The following UPF2 variants were observed in gnomAD, a reference collection of about 807,000 sequenced individuals.
UPF2 encodes regulator of nonsense transcripts 2.
A neutral mutation model predicts 141.4 loss-of-function variants in UPF2; 17 were observed. The ratio of observed to expected loss-of-function variants is 0.12; its 90% confidence interval spans 0.08 to 0.18. The LOEUF is 0.18. Among genes scored for constraint, UPF2 ranks in the 10% least tolerant of loss-of-function variants. UPF2 has a pLI of 1.00. For synonymous variants in UPF2, 540 were observed against 498.0 expected (o/e 1.08, Z -1.12); for missense variants, 1,152 against 1,515.9 (o/e 0.76, Z 3.99).
At chr10:12,004,428 AC>A in intron 5 of UPF2, 101 bp downstream of exon 5, 1 of 903,110 alleles carries the variant, frequency 1.1e-6, no homozygotes, top group East Asian at 2.7e-5. Flanking sequence ...TGTTCATATT[AC>A]AAAACTAGTA....
intron 8 of UPF2, among the ~76,000 whole-genome samples, chr10:11,988,587 G>A (rs1833731992): frequency 6.6e-6 from 1 of 152,222 alleles, no homozygotes; most frequent in African/African-American, 2.4e-5. Context: ...TTACAGGAGG[G>A]AGGAAGGAGC....
At chr10:11,976,290 C>T (rs548031228) in intron 9 of UPF2, among the ~76,000 whole-genome samples, 25 of 152,112 alleles carry the variant, frequency 1.6e-4, no homozygotes, top group Non-Finnish European at 3.2e-4. Context: ...GGGAAAAGCT[C>T]GTTAAAAATC....
At chr10:12,000,597 T>C (rs118076488) in intron 6 of UPF2, among the ~76,000 whole-genome samples, 9,937 of 151,930 alleles carry the variant, frequency 0.065, 333 homozygotes, top group Middle Eastern at 0.092. Context: ...CTGGGTAACA[T>C]AACAAGACCC....
rs149616292 is a variant in UPF2, at chr10:11,959,836, T to C, written c.2185-480A>G. The stretch of plus-strand genomic sequence containing the variant: ...ATCAACAGGCATATCAAAGAGCATG[T>C]AAGCATACTAACTGTTATACTACTT... On this transcript the variant is annotated intron_variant, in intron 11 of 21. Transcript: ENST00000357604. This position sits in a 1 kb window ranked among gnomAD's most constrained non-coding sequence, Gnocchi z 5.9. Among the ~76,000 whole-genome samples the C allele has an allele frequency of 2.3e-3, 353 of 152,312 alleles. 3 individuals are homozygous for C. Among genetic ancestry groups the C allele is most frequent in the African/African-American group, 8.0e-3 (332 of 41,562 alleles).
intron 11 of UPF2, 109 bp downstream of exon 11, chr10:11,963,900 T>C: frequency 1.4e-6 from 1 of 714,434 alleles, no homozygotes; most frequent in Non-Finnish European, 2.3e-6. Flanking sequence ...TAGAAATGTT[T>C]GTATTCATAT....
At chr10:12,013,987 A>G (rs74875675) in intron 4 of UPF2, 37 bp downstream of exon 4, 105,105 of 1,452,814 alleles carry the variant, frequency 0.072, 4,279 homozygotes, top group Non-Finnish European at 0.083. Context: ...CAGTGCTTAC[A>G]GAAAACACAA....
At chr10:11,941,781 T>C (rs1832939604) in intron 18 of UPF2, among the ~76,000 whole-genome samples, 1 of 152,166 alleles carries the variant, frequency 6.6e-6, no homozygotes, top group Non-Finnish European at 1.5e-5. Context: ...CAAGTACATA[T>C]AGGGCTGAAG....
intron 4 of UPF2, among the ~76,000 whole-genome samples, chr10:12,005,878 ATTAT>A (rs1369480177): frequency 3.7e-5 from 5 of 135,426 alleles, no homozygotes; most frequent in African/African-American, 1.4e-4. Flanking sequence ...GCGTTTATTT[ATTAT>A]TTATTTTTTT....
intron 5 of UPF2, 68 bp from the exon 6 acceptor site, chr10:12,001,893 T>A (rs1833958681): frequency 4.3e-6 from 6 of 1,405,430 alleles, no homozygotes; most frequent in Non-Finnish European, 4.7e-6. Flanking sequence ...CAAAAGTAGA[T>A]TAAGACTCAC....
Position 11,959,283 on chromosome 10 carries a change from T to C in UPF2, c.2258A>G (p.Tyr753Cys). 6.2e-7 allele frequency: 1 copy of C among 1,613,146 alleles called. No homozygotes were observed. The highest frequency in any genetic ancestry group is 2.2e-5 in the East Asian group (1 of 44,866). ...TTCAGCTGGAGGTGGGTTGCAGTAG[T>C]AATATGCATTCTCTACCATTGTGAC... ...RYVTMVENAY[Y>C]YCNPPPAEKT... Residue 753 changes from tyrosine (Y) to cysteine (C), a missense_variant, in exon 12 of 22, where the codon TAC (tyrosine) becomes TGC (cysteine). Tyr to Cys is a radical substitution (Grantham distance 194). Coordinates refer to ENST00000357604, the MANE Select transcript of UPF2 (RefSeq NM_015542.4). This position sits in a 1 kb window ranked among gnomAD's most constrained non-coding sequence, Gnocchi z 5.9.
chr10:12,036,938 T>C (rs960353171), intron 1 of UPF2, among the ~76,000 whole-genome samples: 5 of 152,204 alleles, frequency 3.3e-5, no homozygotes, highest in Non-Finnish European at 7.4e-5. Context: ...GGCAGGAGAA[T>C]GGCTTGAACC....
chr10:11,938,868 T>TTTTTTTTTTTTTTTTTTTTTG (rs1832897282), intron 18 of UPF2, among the ~76,000 whole-genome samples: 17 of 90,852 alleles, frequency 1.9e-4, no homozygotes, highest in Non-Finnish European at 2.9e-4. Flanking sequence ...TTTTTTTTTT[T>TTTTTTTTTTTTTTTTTTTTTG]TTTTTTTTTT....
At chr10:12,010,311 G>A (rs746863642) in intron 4 of UPF2, among the ~76,000 whole-genome samples, 11 of 152,038 alleles carry the variant, frequency 7.2e-5, no homozygotes, top group African/African-American at 2.7e-4. Context: ...AAACCAACTC[G>A]GAAATCACAC....
At chr10:11,999,848 T>C (rs913126142) in intron 7 of UPF2, 58 bp downstream of exon 7, 12 of 1,352,008 alleles carry the variant, frequency 8.9e-6, no homozygotes, top group Non-Finnish European at 1.3e-5. Flanking sequence ...ACATTCCTTA[T>C]CAGAGGACTC....
At chr10:12,030,589 T>C (rs1834501764) in intron 2 of UPF2, among the ~76,000 whole-genome samples, 1 of 151,478 alleles carries the variant, frequency 6.6e-6, no homozygotes, top group Non-Finnish European at 1.5e-5. Flanking sequence ...AAGAATGCAT[T>C]AAAAATGTTT....
At chr10:12,010,372 T>C (rs1361178519) in intron 4 of UPF2, among the ~76,000 whole-genome samples, 1 of 152,196 alleles carries the variant, frequency 6.6e-6, no homozygotes, top group African/African-American at 2.4e-5. Flanking sequence ...TGTAACTGTA[T>C]TTCATATGTT....
rs12413846 is a variant in UPF2, at chr10:12,016,750, C to T, written c.1146-2566G>A. ...AATATCTGCAATGTAGGGCCGGGCA[C>T]GGTGGTTCACGCCTATAATCCCAGC... On this transcript the variant is annotated intron_variant, in intron 3 of 21. Coordinates refer to ENST00000357604, the MANE Select transcript of UPF2 (RefSeq NM_015542.4). This position sits in a 1 kb window ranked among gnomAD's most constrained non-coding sequence, Gnocchi z 4.1. Among the ~76,000 whole-genome samples, 6,905 of 151,708 alleles carry T rather than the reference C, an allele frequency of 0.046. 210 individuals carry two copies. Among genetic ancestry groups the T allele is most frequent in the Non-Finnish European group, 0.069 (4,666 of 67,932 alleles).
At chr10:11,928,978 G>A (rs1186703938) in intron 21 of UPF2, among the ~76,000 whole-genome samples, 1 of 152,120 alleles carries the variant, frequency 6.6e-6, no homozygotes, top group Non-Finnish European at 1.5e-5. Context: ...GTGAAACCCT[G>A]TCTCTACTAA....
intron 21 of UPF2, among the ~76,000 whole-genome samples, chr10:11,925,710 G>A (rs1373401684): frequency 6.6e-6 from 1 of 152,244 alleles, no homozygotes; most frequent in Non-Finnish European, 1.5e-5. Flanking sequence ...GGACCCGAAG[G>A]AGCAGGAGTT....
Sources: gnomAD v4.1 joint callset for allele counts (sites outside exome capture counted in the v4.1 genomes callset) on GRCh38, gnomAD v4.1.1 for gene constraint, Gnocchi (gnomAD v3.1) non-coding constraint, MANE v1.5 for transcripts, NCBI Gene and HGNC (gene_info 2026-07-23, HGNC 2026-07-21) for gene names.